C12orf56: variants seen among roughly 807,000 people sequenced by gnomAD.
The protein encoded by C12orf56 is uncharacterized protein C12orf56.
Under a neutral mutation model 69.9 loss-of-function variants are expected in C12orf56, and 71 were observed. That is an observed-to-expected ratio of 1.02 (90% CI 0.84 to 1.24). The LOEUF is 1.24. Ranked by LOEUF, C12orf56 falls within the 50% of genes most tolerant of loss-of-function variation. C12orf56 has a pLI of 0.00. For missense variants in C12orf56, 732 were observed against 738.5 expected, an observed-to-expected ratio of 0.99 and a Z score of 0.10; for synonymous variants, 276 against 274.1, an observed-to-expected ratio of 1.01 and a Z score of -0.07.
At position 64,335,828 on chromosome 12, in the gene C12orf56, C is replaced by T. The variant is rs116020486; in HGVS notation, c.416-4796G>A. On this transcript the variant is annotated intron_variant, in intron 2 of 12. Transcript: ENST00000543942. ...ATTGAGCTTGCTTTGTTCAGATGAC[C>T]GAGTTGATTGGACCATGGGCACCTG... Among the ~76,000 whole-genome samples the T allele has an allele frequency of 5.3e-3, 811 of 152,090 alleles. 4 individuals are homozygous for T. Among genetic ancestry groups the T allele is most frequent in the African/African-American group, 0.018 (767 of 41,500 alleles).
chr12:64,355,524 AATGAAATCATTATTCTG>A (rs1292907321), intron 1 of C12orf56, among the ~76,000 whole-genome samples: 1 of 152,186 alleles, frequency 6.6e-6, no homozygotes, highest in African/African-American at 2.4e-5. Context: ...TGCTCAATAT[AATGAAATCATTATTCTG>A]ATAGATTTTT....
At chr12:64,321,508 AT>A (rs1257040926) in intron 3 of C12orf56, among the ~76,000 whole-genome samples, 1 of 151,694 alleles carries the variant, frequency 6.6e-6, no homozygotes, top group Admixed American at 6.6e-5. Context: ...AAACTTAAAA[AT>A]TTTTTGTAGA....
intron 2 of C12orf56, chr12:64,338,230 C>A: frequency 1.8e-6 from 1 of 567,080 alleles, no homozygotes; most frequent in South Asian, 1.4e-5. Context: ...CTTCTGGCAT[C>A]ATCTGCTGGA....
chr12:64,293,590 G>A (rs1565741894), intron 6 of C12orf56, among the ~76,000 whole-genome samples: 1 of 152,174 alleles, frequency 6.6e-6, no homozygotes, highest in Non-Finnish European at 1.5e-5. Flanking sequence ...CTTCAACAGT[G>A]CTTAGCACAT....
intron 5 of C12orf56, among the ~76,000 whole-genome samples, chr12:64,305,586 T>A (rs2038500375): frequency 6.6e-6 from 1 of 152,164 alleles, no homozygotes; most frequent in Non-Finnish European, 1.5e-5. Flanking sequence ...TTTCACCATG[T>A]TGGCTGGGCT....
intron 2 of C12orf56, among the ~76,000 whole-genome samples, chr12:64,341,819 G>A (rs768153114): frequency 6.6e-6 from 1 of 152,300 alleles, no homozygotes; most frequent in Non-Finnish European, 1.5e-5. Context: ...AGGGCTCAGT[G>A]TTGGTCTCTT....
chr12:64,285,963 T>C lies in C12orf56; in HGVS notation c.1211A>G (p.Asp404Gly), dbSNP rs2038195275. 1 of 1,595,224 alleles carries C rather than the reference T, an allele frequency of 6.3e-7. No homozygotes were observed. The highest frequency in any genetic ancestry group is 1.3e-5 in the African/African-American group (1 of 74,218). Residue 404 changes from aspartate (D) to glycine (G), a missense_variant, in exon 7 of 13, where the codon GAT becomes GGT. Physicochemically the swap from Asp to Gly is moderately conservative, Grantham distance 94. Transcript: ENST00000543942. ...NALQNQSQRV[D>G]ELVACIEIIQ... The stretch of plus-strand genomic sequence containing the variant: ...TCTAGTTAGTACTTACACCAGCTCA[T>C]CAACCCTTTGGCTTTGATTTTGTAG...
intron 2 of C12orf56, among the ~76,000 whole-genome samples, chr12:64,349,384 T>C (rs1057511220): frequency 3.3e-5 from 5 of 152,176 alleles, no homozygotes; most frequent in African/African-American, 1.2e-4. Flanking sequence ...ATGGATGCAG[T>C]GATCAGGGAA....
intron 2 of C12orf56, among the ~76,000 whole-genome samples, chr12:64,351,268 G>T (rs1013474120): frequency 6.6e-6 from 1 of 152,138 alleles, no homozygotes; most frequent in Non-Finnish European, 1.5e-5. Flanking sequence ...GTTAGAGGAG[G>T]ACTCAATTCC....
chr12:64,333,476 T>G (rs1374449200), intron 2 of C12orf56, among the ~76,000 whole-genome samples: 1 of 151,930 alleles, frequency 6.6e-6, no homozygotes, highest in Non-Finnish European at 1.5e-5. Context: ...CCTCTTTCTA[T>G]GTTAGCTTTA....
At chr12:64,330,937 C>T (rs2038921497) in intron 3 of C12orf56, 23 bp downstream of exon 3, 2 of 1,516,410 alleles carry the variant, frequency 1.3e-6, no homozygotes, top group Non-Finnish European at 1.8e-6. Flanking sequence ...AAGTTAAACA[C>T]ATACTCCAAA....
chr12:64,287,259 A>AG (rs2038218464), intron 6 of C12orf56, among the ~76,000 whole-genome samples: 14 of 97,268 alleles, frequency 1.4e-4, no homozygotes, highest in Middle Eastern at 5.9e-3. Flanking sequence ...AAAAAAAAAA[A>AG]AAAAGAAGAA....
In C12orf56 at chr12:64,390,597, G is replaced by T; in HGVS notation, c.-32C>A. ...CGCCCGCAGCGTGGCGGAGTGCTGG[G>T]ACTCGAGGCCCTCAGCTCGCCCTCT... is the stretch of plus-strand genomic sequence containing the variant. On this transcript the variant is annotated 5_prime_UTR_variant, in exon 1 of 13. Coordinates refer to ENST00000543942, the MANE Select transcript of C12orf56 (RefSeq NM_001170633.2). 1 of 1,489,458 alleles carries T rather than the reference G, an allele frequency of 6.7e-7. No individual in the cohort carries two copies. The highest frequency in any genetic ancestry group is 1.3e-5 in the South Asian group (1 of 76,794). 92.3% of individuals were successfully genotyped at this position (1,489,458 alleles called of 1,614,324 possible). A position where few individuals can be genotyped will look rare whatever the true frequency, so the allele number is the denominator to read the frequency against.
At chr12:64,353,602 C>G (rs934693321) in intron 1 of C12orf56, among the ~76,000 whole-genome samples, 1 of 152,144 alleles carries the variant, frequency 6.6e-6, no homozygotes, top group Non-Finnish European at 1.5e-5. Flanking sequence ...ACTATTTACA[C>G]TATAGAATTG....
chr12:64,379,857 G>A (rs902289093), intron 1 of C12orf56, among the ~76,000 whole-genome samples: 2 of 149,618 alleles, frequency 1.3e-5, no homozygotes, highest in African/African-American at 2.5e-5. Context: ...GCCGAGGTGG[G>A]CGGATCACAA....
At chr12:64,381,000 T>C (rs565688087) in intron 1 of C12orf56, among the ~76,000 whole-genome samples, 37 of 152,148 alleles carry the variant, frequency 2.4e-4, no homozygotes, top group Non-Finnish European at 4.9e-4. Flanking sequence ...GGCCAATTTA[T>C]CAAGACAGGG....
At chr12:64,308,338 C>T (rs1251619014) in intron 5 of C12orf56, among the ~76,000 whole-genome samples, 1 of 152,120 alleles carries the variant, frequency 6.6e-6, no homozygotes, top group Admixed American at 6.6e-5. Flanking sequence ...TACATACATA[C>T]ATACATACAT....
At position 64,318,762 on chromosome 12, in the gene C12orf56, A is replaced by G. The variant is rs868309783; in HGVS notation, c.707T>C (p.Ile236Thr). Residue 236 changes from isoleucine to threonine, a missense_variant, in exon 4 of 13, where the codon ATA becomes ACA. By Grantham distance (89) the Ile-to-Thr change is moderately conservative (BLOSUM62 -1). Transcript: ENST00000543942. ...ATTGCACTTGAAAGGAATTTCACTTATGGAGTTGTGATCTGGAAGTCCCTG... is the reference window on the plus strand; with the variant it reads ...ATTGCACTTGAAAGGAATTTCACTTGTGGAGTTGTGATCTGGAAGTCCCTG... Reference protein sequence around the residue: ...EPQGLPDHNSISEIPFKCNGN... With the variant: ...EPQGLPDHNSTSEIPFKCNGN... 4.0e-6 allele frequency: 6 copies of G among 1,503,608 alleles called. No homozygotes were observed. Among genetic ancestry groups the G allele is most frequent in the Middle Eastern group, 1.7e-4 (1 of 5,966 alleles). 93.1% of individuals were successfully genotyped at this position (1,503,608 alleles called of 1,614,324 possible). A position where few individuals can be genotyped will look rare whatever the true frequency, so the allele number is the denominator to read the frequency against.
chr12:64,318,425 A>T, intron 4 of C12orf56, 150 bp downstream of exon 4: 1 of 683,266 alleles, frequency 1.5e-6, no homozygotes, highest in Non-Finnish European at 2.3e-6. Flanking sequence ...TCATCTCCTT[A>T]ATTGTTCAGT....
Sources: allele counts gnomAD v4.1 joint callset (sites outside exome capture counted in the v4.1 genomes callset), GRCh38; gene constraint gnomAD v4.1.1; transcripts MANE v1.5; gene names NCBI Gene and HGNC (gene_info 2026-07-23, HGNC 2026-07-21).